The following CYP3A4 variants were observed in gnomAD, a reference collection of about 807,000 sequenced individuals.
CYP3A4 encodes cytochrome P450 3A4.
In CYP3A4, 41 loss-of-function variants were observed where a neutral mutation model predicts 54.9. The observed-to-expected ratio is 0.75, with a 90% CI of 0.58 to 0.97. The LOEUF is 0.97. Ranked by LOEUF, CYP3A4 falls within the 50% of genes least tolerant of loss-of-function variation. The probability of loss-of-function intolerance (pLI) is 0.00; values close to 1 mark genes in which losing one functional copy is unlikely to be tolerated. For missense variants in CYP3A4, 510 were observed against 597.3 expected (o/e 0.85, Z 1.52); for synonymous variants, 179 against 205.2 (o/e 0.87, Z 1.09).
chr7:99,765,178 C>G (rs1484751990), intron 9 of CYP3A4, among the ~76,000 whole-genome samples: 1 of 152,122 alleles, frequency 6.6e-6, no homozygotes, highest in Non-Finnish European at 1.5e-5. Flanking sequence ...AAGTTTAGAG[C>G]TCTGCTGTCC....
At position 99,762,283 on chromosome 7, in the gene CYP3A4, C is replaced by G. The variant is rs764742769; in HGVS notation, c.1027-16G>C. The G allele has an allele frequency of 6.2e-7, 1 of 1,613,272 alleles. No individual in the cohort carries two copies. Among genetic ancestry groups the G allele is most frequent in the Non-Finnish European group, 8.5e-7 (1 of 1,179,532 alleles). ...TGGGTGGTGCCTGGAAAGAACGAAA[C>G]AGATTTGGATAAATTGAGATTTTGA... is the stretch of plus-strand genomic sequence containing the variant. On this transcript the variant is annotated splice_polypyrimidine_tract_variant and intron_variant, in intron 10 of 12. Transcript: ENST00000651514.
At position 99,757,773 on chromosome 7, in the gene CYP3A4, T is replaced by G. The variant is rs1815215208; in HGVS notation, c.*360A>C. On this transcript the variant is annotated 3_prime_UTR_variant, in exon 13 of 13. Coordinates refer to ENST00000651514, the MANE Select transcript of CYP3A4 (RefSeq NM_017460.6). ...AATGTCATTGTTAGAGCCATCAAAA[T>G]AATTCTTATTTTCATTAATAATTTG... 1 of 215,678 alleles carries G rather than the reference T, an allele frequency of 4.6e-6. No homozygotes were observed. The highest frequency in any genetic ancestry group is 2.3e-5 in the African/African-American group (1 of 43,362). The allele number at this position is 215,678 out of a possible 1,614,324, so 13.4% of individuals were successfully genotyped here. A position where few individuals can be genotyped will look rare whatever the true frequency, so the allele number is the denominator to read the frequency against.
chr7:99,781,702 T>A (rs1465507829), intron 1 of CYP3A4, among the ~76,000 whole-genome samples: 1 of 152,186 alleles, frequency 6.6e-6, no homozygotes, highest in Non-Finnish European at 1.5e-5. Context: ...CTGAAAAGCA[T>A]GGTGTGTATA....
chr7:99,766,516 C>T (rs552044215), intron 8 of CYP3A4, 73 bp from the exon 9 acceptor site: 1 of 1,576,462 alleles, frequency 6.3e-7, no homozygotes, highest in African/African-American at 1.3e-5. Context: ...AAGCGTGGTC[C>T]TTGATCTCCC....
intron 9 of CYP3A4, among the ~76,000 whole-genome samples, chr7:99,765,111 T>C (rs748491298): frequency 5.3e-5 from 8 of 152,224 alleles, no homozygotes; most frequent in Non-Finnish European, 8.8e-5. Flanking sequence ...TACCTAATCA[T>C]AGTATTCAGT....
intron 3 of CYP3A4, among the ~76,000 whole-genome samples, chr7:99,773,967 A>G (rs1222470212): frequency 6.6e-6 from 1 of 150,506 alleles, no homozygotes; most frequent in African/African-American, 2.4e-5. Flanking sequence ...TAATAAAGAA[A>G]AAAGAAGAAT....
intron 1 of CYP3A4, among the ~76,000 whole-genome samples, chr7:99,783,280 G>A (rs1815972592): frequency 6.6e-6 from 1 of 152,148 alleles, no homozygotes. Flanking sequence ...TAGGATGGCA[G>A]GATCCCACCA....
At chr7:99,783,929 C>T in intron 1 of CYP3A4, 82 bp downstream of exon 1, 1 of 1,484,942 alleles carries the variant, frequency 6.7e-7, no homozygotes, top group East Asian at 2.3e-5. Context: ...TTTTGATCTT[C>T]AAAACAGATA....
intron 9 of CYP3A4, among the ~76,000 whole-genome samples, chr7:99,765,235 A>T (rs1584542243): frequency 6.6e-6 from 1 of 152,354 alleles, no homozygotes; most frequent in Middle Eastern, 3.4e-3. Flanking sequence ...ATCAAATTTT[A>T]TTAAATTAAA....
In CYP3A4 at chr7:99,768,424, T is replaced by A. The variant is rs113667357; in HGVS notation, c.600A>T (p.Gln200His). 74 of 1,614,110 alleles carry A rather than the reference T, an allele frequency of 4.6e-5. No homozygotes were observed. In the African/African-American group the frequency reaches 8.0e-4, roughly 17 times the overall value. The change falls in exon 7 of 13, where the codon CAA (glutamine) becomes CAT (histidine). Residue 200 changes from glutamine to histidine, a missense_variant. Coordinates refer to ENST00000651514, the MANE Select transcript of CYP3A4 (RefSeq NM_017460.6). ...TCTTGGTGTTTTCCACAAAGGGGTC[T>A]TGTGGATTGTTGAGAGAGTCGATGT... ...GVNIDSLNNP[Q>H]DPFVENTKKL...
chr7:99,764,949 C>A (rs1437093383), intron 9 of CYP3A4, among the ~76,000 whole-genome samples: 1 of 152,140 alleles, frequency 6.6e-6, no homozygotes, highest in African/African-American at 2.4e-5. Context: ...GGATTAGGAC[C>A]TTTAGAGACC....
At chr7:99,768,328 A>G (rs1459320199) in intron 7 of CYP3A4, 26 bp downstream of exon 7, 1 of 1,604,788 alleles carries the variant, frequency 6.2e-7, no homozygotes, top group South Asian at 1.1e-5. Flanking sequence ...AGCAAGATAA[A>G]TAAAAGGAAA....
chr7:99,774,422 T>C lies in CYP3A4; in HGVS notation c.219-1733A>G, dbSNP rs1276874406. Among the ~76,000 whole-genome samples the C allele has an allele frequency of 3.3e-5, 5 of 152,000 alleles. 1 individual carries two copies. The highest frequency in any genetic ancestry group is 2.0e-4 in the Admixed American group (3 of 15,240). ...ATTTTAGTCCAATATCCCTAAAGAA[T>C]ATCGATGCGAAAATCCTCAATAAAA... is the stretch of plus-strand genomic sequence containing the variant. On this transcript the variant is annotated intron_variant, in intron 3 of 12. Coordinates refer to ENST00000651514, the MANE Select transcript of CYP3A4 (RefSeq NM_017460.6).
In CYP3A4 at chr7:99,762,250, A is replaced by G. The variant is rs748016897; in HGVS notation, c.1044T>C (p.Asp348=). The change falls in exon 11 of 13, where the codon GAT becomes GAC. Residue 348 remains aspartate (D), a synonymous_variant. Transcript: ENST00000651514. ...VLPNKAPPTY[D]TVLQMEYLDM... ...CAAGATACTCCATCTGTAGCACAGT[A>G]TCATAGGTGGGTGGTGCCTGGAAAG... 5 of 1,614,088 alleles carry G rather than the reference A, an allele frequency of 3.1e-6. No individual in the cohort carries two copies. The highest frequency in any genetic ancestry group is 4.2e-6 in the Non-Finnish European group (5 of 1,179,980).
intron 9 of CYP3A4, among the ~76,000 whole-genome samples, chr7:99,765,949 G>T (rs1398470821): frequency 1.3e-5 from 2 of 151,984 alleles, no homozygotes; most frequent in East Asian, 3.9e-4. Flanking sequence ...GATGTATTAG[G>T]TAGCTGCAAA....
chr7:99,775,405 C>T (rs1815740276), intron 3 of CYP3A4, among the ~76,000 whole-genome samples: 1 of 152,044 alleles, frequency 6.6e-6, no homozygotes, highest in African/African-American at 2.4e-5. Context: ...GCAAAAAGAA[C>T]AAAACTGGAG....
Position 99,757,972 on chromosome 7 carries a change from A to T in CYP3A4, c.*161T>A. 1 of 627,838 alleles carries T rather than the reference A, an allele frequency of 1.6e-6. No individual in the cohort carries two copies. Among genetic ancestry groups the T allele is most frequent in the African/African-American group, 1.8e-5 (1 of 54,648 alleles). 38.9% of individuals were successfully genotyped at this position (627,838 alleles called of 1,614,324 possible). On this transcript the variant is annotated 3_prime_UTR_variant, in exon 13 of 13. Transcript: ENST00000651514. ...CCAAGTATAACACTCTACACAGACA[A>T]TGAGAGAGCTCAATGCATGTACAGA...
At chr7:99,768,211 G>T in intron 7 of CYP3A4, 143 bp downstream of exon 7, 1 of 1,018,616 alleles carries the variant, frequency 9.8e-7, no homozygotes, top group Non-Finnish European at 1.4e-6. Context: ...TTAAAATGAT[G>T]ATGGTCACAC....
Position 99,764,000 on chromosome 7 carries a change from T to C in CYP3A4, c.881A>G (p.Glu294Gly). ...TESHKALSDL[E>G]LVAQSIIFIF... ...AAAGATAATTGATTGGGCCACGAGCTCCAGATCGGACAGAGCTGAAAGGAG... is the reference window on the plus strand; with the variant it reads ...AAAGATAATTGATTGGGCCACGAGCCCCAGATCGGACAGAGCTGAAAGGAG... Residue 294 changes from glutamate to glycine, a missense_variant, in exon 10 of 13, where the codon GAG (glutamate) becomes GGG (glycine). Glu to Gly is a moderately conservative substitution (Grantham distance 98). Transcript: ENST00000651514. 1 of 1,613,880 alleles carries C rather than the reference T, an allele frequency of 6.2e-7. No homozygotes were observed. The highest frequency in any genetic ancestry group is 8.5e-7 in the Non-Finnish European group (1 of 1,179,880).
Sources: allele counts gnomAD v4.1 joint callset (sites outside exome capture counted in the v4.1 genomes callset), GRCh38; gene constraint gnomAD v4.1.1; transcripts MANE v1.5; gene names NCBI Gene and HGNC (gene_info 2026-07-23, HGNC 2026-07-21).